The following RBFOX1 variants were observed in gnomAD, a reference collection of about 807,000 sequenced individuals.
RBFOX1 encodes RNA binding protein fox-1 homolog 1.
A neutral mutation model predicts 57.7 loss-of-function variants in RBFOX1; 8 were observed. The ratio of observed to expected loss-of-function variants is 0.14; its 90% CI spans 0.08 to 0.25. The LOEUF is 0.25. Among genes scored for constraint, RBFOX1 ranks in the 10% least tolerant of loss-of-function variants. The pLI is 1.00. For synonymous variants in RBFOX1, 326 were observed against 222.4 expected (o/e 1.47, Z -4.15); for missense variants, 611 against 548.5 (o/e 1.11, Z -1.14).
chr16:6,620,646 C>T (rs1055402850), intron 2 of RBFOX1, among the ~76,000 whole-genome samples: 6 of 152,052 alleles, frequency 3.9e-5, no homozygotes, highest in Non-Finnish European at 8.8e-5. Context: ...TTCAAGTAAA[C>T]ATAATCAGAA....
chr16:5,581,752 C>T (rs1335204227), intron 2 of RBFOX1, among the ~76,000 whole-genome samples: 1 of 152,118 alleles, frequency 6.6e-6, no homozygotes, highest in Admixed American at 6.5e-5. Context: ...AGTTGCAGCT[C>T]ATGACAGGGG....
chr16:7,068,893 A>G (rs1309581745), intron 4 of RBFOX1, among the ~76,000 whole-genome samples: 4 of 152,206 alleles, frequency 2.6e-5, no homozygotes, highest in Admixed American at 6.5e-5. Flanking sequence ...CCGGCCTGAT[A>G]CTATTTTATT....
At position 6,682,870 on chromosome 16, in the gene RBFOX1, T is replaced by TAAAAA. The variant is rs33948007; in HGVS notation, c.-16+28232_-16+28236dup. On this transcript the variant is annotated intron_variant, in intron 3 of 15. Transcript: ENST00000550418. ...AACATTTTTGAAAAAAGAAAAGAAT[T>TAAAAA]AAAAAAAAAAAAAAAAGGAAATGGA... is the stretch of plus-strand genomic sequence containing the variant. 1.1e-4 allele frequency among the ~76,000 whole-genome samples: 13 copies of TAAAAA among 115,810 alleles called. No individual in the cohort carries two copies. The East Asian group carries it at 3.1e-3, about 27-fold the overall frequency. The allele number at this position is 115,810 out of a possible 152,430, so 76.0% of individuals were successfully genotyped here.
intron 4 of RBFOX1, among the ~76,000 whole-genome samples, chr16:7,457,875 C>G (rs536944133): frequency 1.3e-5 from 2 of 152,078 alleles, no homozygotes; most frequent in Admixed American, 6.5e-5. Flanking sequence ...TTCATCACCC[C>G]CTCCCCAATA....
chr16:7,189,554 A>AACACACACACACACACAC (rs779531861), intron 4 of RBFOX1, among the ~76,000 whole-genome samples: 10 of 135,872 alleles, frequency 7.4e-5, no homozygotes, highest in African/African-American at 2.3e-4. Flanking sequence ...TGTCCCCCAA[A>AACACACACACACACACAC]ACACACACAC....
chr16:6,309,793 G>A (rs2080014287), intron 1 of RBFOX1, among the ~76,000 whole-genome samples: 1 of 152,030 alleles, frequency 6.6e-6, no homozygotes, highest in Admixed American at 6.6e-5. Flanking sequence ...TTGTTGAATG[G>A]GCAAATGCAG....
chr16:6,745,460 G>A (rs886717525), intron 3 of RBFOX1, among the ~76,000 whole-genome samples: 11 of 152,240 alleles, frequency 7.2e-5, no homozygotes, highest in African/African-American at 2.4e-4. Context: ...TCAAGAATGA[G>A]CAGATTTTGT....
chr16:6,533,958 A>G (rs1250957372), intron 2 of RBFOX1, among the ~76,000 whole-genome samples: 1 of 152,130 alleles, frequency 6.6e-6, no homozygotes, highest in African/African-American at 2.4e-5. Context: ...AAATATAACA[A>G]TGTATATTAT....
At chr16:7,531,151 T>G (rs920477501) in intron 5 of RBFOX1, among the ~76,000 whole-genome samples, 1 of 152,172 alleles carries the variant, frequency 6.6e-6, no homozygotes, top group Non-Finnish European at 1.5e-5. Flanking sequence ...AAAAAAAATA[T>G]GTAGAGTTGC....
intron 4 of RBFOX1, among the ~76,000 whole-genome samples, chr16:7,349,153 C>T (rs1216083923): frequency 6.6e-6 from 1 of 152,072 alleles, no homozygotes; most frequent in African/African-American, 2.4e-5. Context: ...CTCCTAGAGA[C>T]CCACTGAAGT....
intron 4 of RBFOX1, among the ~76,000 whole-genome samples, chr16:7,453,462 T>C (rs573197533): frequency 1.3e-5 from 2 of 152,168 alleles, no homozygotes; most frequent in African/African-American, 4.8e-5. Flanking sequence ...ATCCTAAGAA[T>C]AGGGATTCAT....
intron 2 of RBFOX1, among the ~76,000 whole-genome samples, chr16:5,492,025 G>A (rs2042850571): frequency 1.3e-5 from 2 of 152,174 alleles, no homozygotes; most frequent in South Asian, 4.1e-4. Context: ...GTGGGCCCCA[G>A]ACCAGCAGTA....
chr16:6,727,443 C>T (rs1403319659), intron 3 of RBFOX1, among the ~76,000 whole-genome samples: 14 of 151,290 alleles, frequency 9.3e-5, no homozygotes, highest in South Asian at 4.2e-4. Flanking sequence ...CCTTCATATT[C>T]CCCCGCTGCT....
intron 3 of RBFOX1, among the ~76,000 whole-genome samples, chr16:6,895,780 C>A (rs568272286): frequency 1.8e-4 from 28 of 151,912 alleles, no homozygotes; most frequent in Non-Finnish European, 3.8e-4. Context: ...GGTTGAAATC[C>A]CAGCTCTGCC....
chr16:5,346,254 A>G (rs2065137076), intron 1 of RBFOX1, among the ~76,000 whole-genome samples: 1 of 152,170 alleles, frequency 6.6e-6, no homozygotes, highest in South Asian at 2.1e-4. Flanking sequence ...CAGTTATAAG[A>G]CAGGGAATAA....
At chr16:5,465,673 A>G (rs1016541802) in intron 1 of RBFOX1, among the ~76,000 whole-genome samples, 1 of 152,204 alleles carries the variant, frequency 6.6e-6, no homozygotes, top group African/African-American at 2.4e-5. Context: ...TCATGGGCTC[A>G]TCTAAGAACT....
At chr16:6,205,128 T>G (rs1598350431) in intron 1 of RBFOX1, among the ~76,000 whole-genome samples, 1 of 152,286 alleles carries the variant, frequency 6.6e-6, no homozygotes, top group Non-Finnish European at 1.5e-5. Context: ...ATCTAATTAT[T>G]GGGCTTAAAT....
At chr16:7,533,254 C>G (rs1244353778) in intron 5 of RBFOX1, among the ~76,000 whole-genome samples, 1 of 152,154 alleles carries the variant, frequency 6.6e-6, no homozygotes, top group Non-Finnish European at 1.5e-5. Flanking sequence ...TTTAAAAATT[C>G]TTTCCATCAA....
chr16:7,103,819 A>G (rs1444901552), intron 4 of RBFOX1, among the ~76,000 whole-genome samples: 1 of 152,194 alleles, frequency 6.6e-6, no homozygotes, highest in Non-Finnish European at 1.5e-5. Flanking sequence ...CGTGACTTCA[A>G]GTGCCTTTAA....
Sources: gnomAD v4.1 joint callset for allele counts (sites outside exome capture counted in the v4.1 genomes callset) on GRCh38, gnomAD v4.1.1 for gene constraint, MANE v1.5 for transcripts, NCBI Gene and HGNC (gene_info 2026-07-23, HGNC 2026-07-21) for gene names.